Variants in KIF26B observed in about 807,000 individuals in gnomAD.
KIF26B encodes kinesin-like protein KIF26B.
In KIF26B, 63 loss-of-function variants were observed where a neutral mutation model predicts 151.2. The observed-to-expected ratio is 0.42, with a 90% CI of 0.34 to 0.51. The LOEUF (loss-of-function observed/expected upper bound fraction) is 0.51, where lower values mean the gene tolerates loss of function less well. KIF26B is among the 20% of genes least tolerant of loss of function. The pLI is 0.07. For synonymous variants in KIF26B, 1,357 were observed against 1,262.1 expected (o/e 1.08, Z -1.59); for missense variants, 2,813 against 2,913.6 (o/e 0.97, Z 0.79).
chr1:245,272,694 C>G (rs1670873627), intron 2 of KIF26B, among the ~76,000 whole-genome samples: 1 of 151,972 alleles, frequency 6.6e-6, no homozygotes, highest in Admixed American at 6.6e-5. Context: ...GTTTTTGCTA[C>G]AGCTCACAGG....
chr1:245,657,198 T>C (rs2044084341), intron 10 of KIF26B, among the ~76,000 whole-genome samples: 1 of 152,242 alleles, frequency 6.6e-6, no homozygotes, highest in African/African-American at 2.4e-5. Context: ...TTTTTTAGTT[T>C]TGTGCCCTGA....
intron 4 of KIF26B, among the ~76,000 whole-genome samples, chr1:245,441,534 C>T (rs1335828212): frequency 1.3e-5 from 2 of 152,014 alleles, no homozygotes; most frequent in Admixed American, 6.6e-5. Flanking sequence ...CTATTTCATC[C>T]GCCGGCTCCT....
Position 245,488,063 on chromosome 1 carries a change from C to T in KIF26B, c.1167-52704C>T, listed in dbSNP as rs1660320495. On this transcript the variant is annotated intron_variant, in intron 4 of 14. Coordinates refer to ENST00000407071, the MANE Select transcript of KIF26B (RefSeq NM_018012.4). The surrounding 1 kb of genome is among the most constrained non-coding windows in gnomAD (Gnocchi z 4.6). The stretch of plus-strand genomic sequence containing the variant: ...TCAGCCTGCCAAAGTGCTGGGATTA[C>T]AGGCATGAGCTGCCACGCCCGGCCA... Among the ~76,000 whole-genome samples the T allele has an allele frequency of 6.6e-6, 1 of 152,146 alleles. No individual in the cohort carries two copies. Among genetic ancestry groups the T allele is most frequent in the Non-Finnish European group, 1.5e-5 (1 of 68,032 alleles).
At chr1:245,524,924 T>C (rs1204348611) in intron 4 of KIF26B, among the ~76,000 whole-genome samples, 1 of 152,204 alleles carries the variant, frequency 6.6e-6, no homozygotes, top group Non-Finnish European at 1.5e-5. Flanking sequence ...CTTTGCATTC[T>C]CTGTCTTTTT....
chr1:245,356,518 T>C (rs978765584), intron 2 of KIF26B, among the ~76,000 whole-genome samples: 5 of 151,836 alleles, frequency 3.3e-5, no homozygotes, highest in South Asian at 2.1e-4. Flanking sequence ...GATTGCACCA[T>C]TGTACTCCAG....
chr1:245,521,100 G>A (rs1661091212), intron 4 of KIF26B, among the ~76,000 whole-genome samples: 1 of 152,202 alleles, frequency 6.6e-6, no homozygotes, highest in Non-Finnish European at 1.5e-5. Context: ...CATTTTGGGA[G>A]GCCGAGGCGG....
At position 245,685,439 on chromosome 1, in the gene KIF26B, G is replaced by A; in HGVS notation, c.2456G>A (p.Cys819Tyr). 2 of 1,613,280 alleles carry A rather than the reference G, an allele frequency of 1.2e-6. No homozygotes were observed. Among genetic ancestry groups the A allele is most frequent in the Non-Finnish European group, 1.7e-6 (2 of 1,179,592 alleles). Residue 819 changes from cysteine (C) to tyrosine (Y), a missense_variant, in exon 12 of 15, where the codon TGC (cysteine) becomes TAC (tyrosine). Cys to Tyr is a radical substitution (Grantham distance 194). Transcript: ENST00000407071. ...AGCTCGTCCGGCGGGGAGAGCTCCT[G>A]CGAAGAAGGCCGCATGCGCAGGCCC... The part of the protein sequence containing the change: ...TSSSSGGESS[C>Y]EEGRMRRPTQ...
chr1:245,509,983 A>C (rs1288371062), intron 4 of KIF26B, among the ~76,000 whole-genome samples: 1 of 152,178 alleles, frequency 6.6e-6, no homozygotes. Flanking sequence ...CTTGGGCATC[A>C]TCTGGGCTTT....
intron 9 of KIF26B, among the ~76,000 whole-genome samples, chr1:245,616,509 A>G (rs1458573399): frequency 6.6e-6 from 1 of 152,218 alleles, no homozygotes; most frequent in African/African-American, 2.4e-5. Flanking sequence ...GAATATTTGC[A>G]TATGTAATGA....
chr1:245,172,139 C>T (rs572300578), intron 2 of KIF26B, among the ~76,000 whole-genome samples: 14 of 152,256 alleles, frequency 9.2e-5, no homozygotes, highest in East Asian at 1.9e-4. Context: ...ACCGTACATT[C>T]GTGTGTCTAG....
At chr1:245,417,105 G>C (rs1022017158) in intron 3 of KIF26B, among the ~76,000 whole-genome samples, 1 of 151,904 alleles carries the variant, frequency 6.6e-6, no homozygotes, top group Non-Finnish European at 1.5e-5. Flanking sequence ...GGCTGTGTCT[G>C]AAAAATGGAG....
intron 4 of KIF26B, among the ~76,000 whole-genome samples, chr1:245,476,614 C>T (rs1660045684): frequency 6.6e-6 from 1 of 151,656 alleles, no homozygotes; most frequent in Middle Eastern, 3.4e-3. Flanking sequence ...TGGCTCACTG[C>T]AGCCTTGACC....
rs1261524418 is a variant in KIF26B, at chr1:245,667,005, A to T, written c.2259-17228A>T. On this transcript the variant is annotated intron_variant, in intron 10 of 14. Transcript: ENST00000407071. This position sits in a 1 kb window ranked among gnomAD's most constrained non-coding sequence, Gnocchi z 4.3. ...AGGGGCCTGATGGTAATGTTGGTGT[A>T]AAATGTCTCTGCTGTGATCCACCCT... Among the ~76,000 whole-genome samples, 1 of 152,086 alleles carries T rather than the reference A, an allele frequency of 6.6e-6. No individual in the cohort carries two copies. Among genetic ancestry groups the T allele is most frequent in the African/African-American group, 2.4e-5 (1 of 41,424 alleles).
intron 2 of KIF26B, among the ~76,000 whole-genome samples, chr1:245,171,638 C>G (rs1668711048): frequency 6.6e-6 from 1 of 152,188 alleles, no homozygotes; most frequent in Non-Finnish European, 1.5e-5. Context: ...TGCCTTTTCT[C>G]CTGGGAACTT....
chr1:245,357,322 T>C (rs1291689939), intron 2 of KIF26B, among the ~76,000 whole-genome samples: 1 of 152,194 alleles, frequency 6.6e-6, no homozygotes, highest in African/African-American at 2.4e-5. Context: ...ATGGCACGGT[T>C]TCTGCCCCCT....
intron 3 of KIF26B, among the ~76,000 whole-genome samples, chr1:245,399,994 A>G (rs1416442898): frequency 6.6e-6 from 1 of 152,206 alleles, no homozygotes; most frequent in Admixed American, 6.5e-5. Context: ...TACTTTCAAA[A>G]TAACCTTTAT....
chr1:245,291,098 G>T (rs1182886012), intron 2 of KIF26B, among the ~76,000 whole-genome samples: 1 of 152,198 alleles, frequency 6.6e-6, no homozygotes, highest in Non-Finnish European at 1.5e-5. Flanking sequence ...TGTAAGAAAG[G>T]GAGCAGAAGT....
chr1:245,384,730 G>A (rs909994252), intron 3 of KIF26B, among the ~76,000 whole-genome samples: 1 of 152,194 alleles, frequency 6.6e-6, no homozygotes, highest in East Asian at 1.9e-4. Flanking sequence ...GTTTGTTATT[G>A]GTTGAAATTA....
intron 5 of KIF26B, among the ~76,000 whole-genome samples, chr1:245,599,554 C>A (rs1449051357): frequency 6.6e-6 from 1 of 152,214 alleles, no homozygotes; most frequent in Non-Finnish European, 1.5e-5. Context: ...ATTTTACATT[C>A]AGCACCTCTG....
Sources: allele counts gnomAD v4.1 joint callset (sites outside exome capture counted in the v4.1 genomes callset), GRCh38; gene constraint gnomAD v4.1.1; non-coding constraint Gnocchi (gnomAD v3.1); transcripts MANE v1.5; gene names NCBI Gene and HGNC (gene_info 2026-07-23, HGNC 2026-07-21).